The following BBS9 variants were observed in gnomAD, a reference collection of about 807,000 sequenced individuals.
The protein encoded by BBS9 is protein PTHB1.
Under a neutral mutation model 117.7 loss-of-function variants are expected in BBS9, and 89 were observed. The observed-to-expected ratio is 0.76, with a 90% CI of 0.64 to 0.90. The LOEUF is 0.90. Among genes scored for constraint, BBS9 ranks in the 40% least tolerant of loss-of-function variants. The pLI, the probability that BBS9 is intolerant of heterozygous loss-of-function variation, is 0.00. For missense variants in BBS9, 982 were observed against 1,042.2 expected, an observed-to-expected ratio of 0.94 and a Z score of 0.80; for synonymous variants, 379 against 370.9, an observed-to-expected ratio of 1.02 and a Z score of -0.25.
intron 5 of BBS9, chr7:33,243,112 T>A (rs1794802707): frequency 4.9e-6 from 2 of 411,284 alleles, no homozygotes; most frequent in African/African-American, 4.0e-5. Context: ...TTTCATTTGG[T>A]TCTGTTAATT....
chr7:33,596,394 T>TCTATCTATCTAC (rs59047275), intron 21 of BBS9, among the ~76,000 whole-genome samples: 1 of 150,928 alleles, frequency 6.6e-6, no homozygotes, highest in African/African-American at 2.4e-5. Context: ...TATCTATCTA[T>TCTATCTATCTAC]ATATAATTAG....
chr7:33,272,792 T>C (rs573958278), intron 7 of BBS9, among the ~76,000 whole-genome samples: 2 of 152,238 alleles, frequency 1.3e-5, no homozygotes, highest in African/African-American at 4.8e-5. Context: ...GAATAGTTAA[T>C]ATCATTTGGT....
At chr7:33,140,411 T>C (rs1791263261) in intron 1 of BBS9, among the ~76,000 whole-genome samples, 1 of 152,194 alleles carries the variant, frequency 6.6e-6, no homozygotes, top group African/African-American at 2.4e-5. Context: ...CATGCACCTT[T>C]TCCCTTTCCT....
rs140844546 is a variant in BBS9 at position 33,479,539 on chromosome 7, T to C, written c.2116-25924T>C. 3.1e-3 allele frequency among the ~76,000 whole-genome samples: 478 copies of C among 152,308 alleles called. 2 individuals carry two copies. Among genetic ancestry groups the C allele is most frequent in the African/African-American group, 0.011 (466 of 41,550 alleles). On this transcript the variant is annotated intron_variant, in intron 19 of 22. Coordinates refer to ENST00000242067, the MANE Select transcript of BBS9 (RefSeq NM_198428.3). ...CAGGGGCACCTGCATTGATTCCATG[T>C]CTTTGCTATTGTGAATAGCATTGCA...
chr7:33,584,593 A>AT (rs1345118561), intron 21 of BBS9, among the ~76,000 whole-genome samples: 2 of 151,956 alleles, frequency 1.3e-5, no homozygotes, highest in African/African-American at 4.8e-5. Context: ...CTCTATTGAG[A>AT]TTCCGTTTTG....
At chr7:33,168,801 T>G (rs1174747577) in intron 4 of BBS9, among the ~76,000 whole-genome samples, 1 of 152,068 alleles carries the variant, frequency 6.6e-6, no homozygotes, top group Non-Finnish European at 1.5e-5. Flanking sequence ...AAGCATATCT[T>G]GCTTTTTTTT....
At chr7:33,504,465 C>T (rs1026809091) in intron 19 of BBS9, among the ~76,000 whole-genome samples, 1 of 152,018 alleles carries the variant, frequency 6.6e-6, no homozygotes, top group African/African-American at 2.4e-5. Context: ...CCTTTGGGCC[C>T]GTGTCAATAA....
At chr7:33,422,535 G>A (rs1833013269) in intron 19 of BBS9, among the ~76,000 whole-genome samples, 1 of 152,046 alleles carries the variant, frequency 6.6e-6, no homozygotes. Context: ...TAAAATAGTT[G>A]CCCAACTTTT....
intron 21 of BBS9, among the ~76,000 whole-genome samples, chr7:33,634,116 A>G (rs1036753045): frequency 2.8e-4 from 42 of 152,194 alleles, no homozygotes; most frequent in African/African-American, 8.9e-4. Flanking sequence ...CCCGTCTCCC[A>G]TGGAGATCCA....
intron 9 of BBS9, among the ~76,000 whole-genome samples, chr7:33,317,556 G>A (rs1304910491): frequency 6.6e-6 from 1 of 152,058 alleles, no homozygotes; most frequent in Non-Finnish European, 1.5e-5. Flanking sequence ...AAGGCTATTG[G>A]GGGATTAAAT....
At chr7:33,167,016 A>C (rs1795809967) in intron 4 of BBS9, among the ~76,000 whole-genome samples, 1 of 152,164 alleles carries the variant, frequency 6.6e-6, no homozygotes, top group Non-Finnish European at 1.5e-5. Flanking sequence ...CCACCTTCCA[A>C]TTAATACATT....
At chr7:33,610,384 C>G (rs1241611725), downstream of BBS9, among the ~76,000 whole-genome samples, 2 of 151,998 alleles carry the variant, frequency 1.3e-5, no homozygotes, top group Non-Finnish European at 2.9e-5. Flanking sequence ...CTGGGAAGTC[C>G]AAGATCAAGG....
chr7:33,573,454 C>G (rs1452127210), intron 21 of BBS9, among the ~76,000 whole-genome samples: 1 of 152,062 alleles, frequency 6.6e-6, no homozygotes, highest in African/African-American at 2.4e-5. Flanking sequence ...ACAGTGTACC[C>G]TAGATATCAG....
chr7:33,627,908 G>A (rs1053499148), intron 21 of BBS9, among the ~76,000 whole-genome samples: 2 of 152,100 alleles, frequency 1.3e-5, no homozygotes, highest in African/African-American at 4.8e-5. Context: ...GCTGGATGTG[G>A]TGGTGCATGC....
chr7:33,218,464 C>T (rs555994483), intron 5 of BBS9, among the ~76,000 whole-genome samples: 1 of 152,316 alleles, frequency 6.6e-6, no homozygotes, highest in East Asian at 1.9e-4. Flanking sequence ...GTAAGAAAGC[C>T]ATTTTTGTAA....
intron 5 of BBS9, chr7:33,177,920 A>G: frequency 4.3e-6 from 1 of 235,006 alleles, no homozygotes; most frequent in South Asian, 6.3e-5. Context: ...TATGGTCTAT[A>G]GAAACATTTC....
At chr7:33,571,575 AT>A (rs1245437377) in intron 21 of BBS9, among the ~76,000 whole-genome samples, 4 of 151,992 alleles carry the variant, frequency 2.6e-5, no homozygotes, top group South Asian at 4.2e-4. Flanking sequence ...ATTTCTTTTA[AT>A]TTTTATCTAT....
At position 33,480,243 on chromosome 7, in the gene BBS9, T is replaced by C. The variant is rs1198929242; in HGVS notation, c.2116-25220T>C. The stretch of plus-strand genomic sequence containing the variant: ...CTTGAAATTACTAGTGATAGTCAAA[T>C]TCTTATTTCCCAGTGTTAACAACAG... On this transcript the variant is annotated intron_variant, in intron 19 of 22. Transcript: ENST00000242067. Among the ~76,000 whole-genome samples the C allele has an allele frequency of 6.6e-5, 10 of 152,230 alleles. 1 individual carries two copies. Among genetic ancestry groups the C allele is most frequent in the Admixed American group, 5.9e-4 (9 of 15,284 alleles).
intron 20 of BBS9, among the ~76,000 whole-genome samples, chr7:33,525,311 TTC>T (rs1457355224): frequency 1.5e-5 from 2 of 129,218 alleles, no homozygotes; most frequent in Non-Finnish European, 3.3e-5. Flanking sequence ...CTTGTTGACT[TTC>T]TGTCTCGTTG....
Sources: gnomAD v4.1 joint callset for allele counts (sites outside exome capture counted in the v4.1 genomes callset) on GRCh38, gnomAD v4.1.1 for gene constraint, MANE v1.5 for transcripts, NCBI Gene and HGNC (gene_info 2026-07-23, HGNC 2026-07-21) for gene names.